Variants in SULF2 observed in about 807,000 individuals in gnomAD.
The protein encoded by SULF2 is sulfatase 2, also known as extracellular sulfatase Sulf-2.
SULF2 carries 52 observed loss-of-function variants against 107.7 expected under a neutral mutation model. That is an observed-to-expected ratio of 0.48 (90% CI 0.39 to 0.61). The LOEUF (loss-of-function observed/expected upper bound fraction) is 0.61. Among genes scored for constraint, SULF2 ranks in the 20% least tolerant of loss-of-function variants. SULF2 has a pLI of 0.00. For missense variants in SULF2, 993 were observed against 1,177.3 expected (o/e 0.84, Z 2.29); for synonymous variants, 460 against 464.3 (o/e 0.99, Z 0.12).
At chr20:47,676,274 C>T (rs994172540) in intron 10 of SULF2, among the ~76,000 whole-genome samples, 5 of 152,204 alleles carry the variant, frequency 3.3e-5, no homozygotes, top group Non-Finnish European at 7.4e-5. Context: ...GGACACTTGG[C>T]CTCTGACACG....
In SULF2 at chr20:47,690,168, G is replaced by A. The variant is rs1192334022; in HGVS notation, c.695C>T (p.Ala232Val). The A allele has an allele frequency of 3.2e-6, 5 of 1,549,584 alleles. No individual in the cohort carries two copies. The highest frequency in any genetic ancestry group is 4.4e-6 in the Non-Finnish European group (5 of 1,143,710). The change falls in exon 5 of 21, where the codon GCC becomes GTC. Residue 232 changes from alanine to valine, a missense_variant. Coordinates refer to ENST00000688720, the MANE Select transcript of SULF2 (RefSeq NM_001387048.1). ...HAAPHGPEDS[A>V]PQYSRLFPNA... ...TGGGAAGAGGCGTGAATATTGTGGG[G>A]CTGAATCCTCAGGGCCGTGGGGGGC...
chr20:47,684,591 A>T lies in SULF2; in HGVS notation c.738-10T>A, dbSNP rs1205148094. 6.2e-7 allele frequency: 1 copy of T among 1,612,720 alleles called. No homozygotes were observed. The highest frequency in any genetic ancestry group is 8.5e-7 in the Non-Finnish European group (1 of 1,179,348). ...GTTGTAGCTCGGCGTGCTGGTGGGC[A>T]AGGACATACACATCGGTCAAACCCA... On this transcript the variant is annotated splice_polypyrimidine_tract_variant and intron_variant, in intron 5 of 20. Transcript: ENST00000688720.
At chr20:47,658,965 C>T (rs144076668) in intron 20 of SULF2, among the ~76,000 whole-genome samples, 15 of 152,258 alleles carry the variant, frequency 9.9e-5, no homozygotes, top group Non-Finnish European at 1.8e-4. Context: ...TTACAGGTTG[C>T]CAGTCTCTTA....
At chr20:47,711,161 C>G (rs1174400123) in intron 3 of SULF2, among the ~76,000 whole-genome samples, 1 of 152,226 alleles carries the variant, frequency 6.6e-6, no homozygotes, top group Non-Finnish European at 1.5e-5. Flanking sequence ...GCAGACATGT[C>G]CCCGCCATGC....
intron 4 of SULF2, among the ~76,000 whole-genome samples, chr20:47,692,024 C>T (rs1201826555): frequency 6.6e-6 from 1 of 152,172 alleles, no homozygotes; most frequent in Non-Finnish European, 1.5e-5. Flanking sequence ...CCTTGGCCTC[C>T]CAAAGTGCTG....
chr20:47,752,460 C>T (rs556155140), intron 2 of SULF2, among the ~76,000 whole-genome samples: 25 of 151,538 alleles, frequency 1.6e-4, no homozygotes, highest in Non-Finnish European at 2.9e-4. Flanking sequence ...CTGGGTGCAG[C>T]GGCTCGCACC....
chr20:47,663,035 C>T (rs2087135789), intron 17 of SULF2, 35 bp downstream of exon 17: 1 of 1,613,268 alleles, frequency 6.2e-7, no homozygotes. Flanking sequence ...TGGTGTACCC[C>T]ACACCCCCAT....
intron 3 of SULF2, among the ~76,000 whole-genome samples, chr20:47,709,879 G>A (rs2088871072): frequency 1.3e-5 from 2 of 151,546 alleles, no homozygotes; most frequent in Admixed American, 6.6e-5. Flanking sequence ...GAGGCCCTGG[G>A]GATCCACTCT....
At chr20:47,682,686 G>A (rs2087865442) in intron 7 of SULF2, among the ~76,000 whole-genome samples, 2 of 152,158 alleles carry the variant, frequency 1.3e-5, no homozygotes. Flanking sequence ...GCCCAGAACA[G>A]AAATCCAAGC....
chr20:47,703,902 C>A (rs767386210), intron 3 of SULF2, among the ~76,000 whole-genome samples: 5 of 152,262 alleles, frequency 3.3e-5, no homozygotes, highest in Admixed American at 1.3e-4. Context: ...AGAGATAAAC[C>A]AGATACAAAA....
chr20:47,730,384 C>T (rs1181062410), intron 3 of SULF2, among the ~76,000 whole-genome samples: 2 of 152,208 alleles, frequency 1.3e-5, no homozygotes, highest in African/African-American at 4.8e-5. Context: ...AAGGCATTAT[C>T]CCAATGGGGA....
chr20:47,762,768 AG>A (rs2090444262), intron 1 of SULF2, among the ~76,000 whole-genome samples: 1 of 152,234 alleles, frequency 6.6e-6, no homozygotes, highest in Admixed American at 6.5e-5. Context: ...CCCGGGGCAC[AG>A]TCAGCTGGAC....
intron 2 of SULF2, among the ~76,000 whole-genome samples, chr20:47,737,537 C>T (rs2089766025): frequency 6.6e-6 from 1 of 152,070 alleles, no homozygotes; most frequent in African/African-American, 2.4e-5. Context: ...CAGCCACAAA[C>T]CCTGCTGGCC....
intron 1 of SULF2, among the ~76,000 whole-genome samples, chr20:47,761,215 C>T (rs1023161456): frequency 6.6e-6 from 1 of 152,214 alleles, no homozygotes; most frequent in African/African-American, 2.4e-5. Flanking sequence ...CTATTATTAG[C>T]CCCAGAGAAA....
At chr20:47,749,403 A>AGT (rs2090114703) in intron 2 of SULF2, among the ~76,000 whole-genome samples, 1 of 152,378 alleles carries the variant, frequency 6.6e-6, no homozygotes, top group East Asian at 1.9e-4. Context: ...GCTGAACACC[A>AGT]GTGTGGGTCC....
At chr20:47,697,981 A>C (rs1399543171) in intron 4 of SULF2, among the ~76,000 whole-genome samples, 1 of 152,250 alleles carries the variant, frequency 6.6e-6, no homozygotes, top group African/African-American at 2.4e-5. Context: ...CAAGGAGTCC[A>C]TGCCGGACTG....
rs1268177687 is a variant in SULF2, at chr20:47,677,237, C to A, written c.1194-103G>T. The A allele has an allele frequency of 4.3e-5, 56 of 1,293,296 alleles. No homozygotes were observed. The East Asian group carries it at 1.5e-3, about 34-fold the overall frequency. 80.1% of individuals were successfully genotyped at this position (1,293,296 alleles called of 1,614,324 possible). ...GGCACCAGGAGTCAGCCTTGGTTTA[C>A]GGTCAGCCTGGACAGCAATTGTGGT... On this transcript the variant is annotated intron_variant, in intron 8 of 20. Transcript: ENST00000688720.
chr20:47,697,908 G>C (rs1264967678), intron 4 of SULF2, among the ~76,000 whole-genome samples: 1 of 152,220 alleles, frequency 6.6e-6, no homozygotes, highest in Non-Finnish European at 1.5e-5. Context: ...TAGAGAATCC[G>C]CCTGCACTGA....
At chr20:47,718,922 G>A (rs1053072578) in intron 3 of SULF2, among the ~76,000 whole-genome samples, 2 of 152,182 alleles carry the variant, frequency 1.3e-5, no homozygotes, top group African/African-American at 4.8e-5. Flanking sequence ...CCATGGAATC[G>A]AATCAGATCA....
Sources: allele counts gnomAD v4.1 joint callset (sites outside exome capture counted in the v4.1 genomes callset), GRCh38; gene constraint gnomAD v4.1.1; transcripts MANE v1.5; gene names NCBI Gene and HGNC (gene_info 2026-07-23, HGNC 2026-07-21).